PCLO: variants seen among roughly 807,000 people sequenced by gnomAD.
The protein encoded by PCLO is piccolo presynaptic cytomatrix protein, also known as protein piccolo.
Under a neutral mutation model 427.5 loss-of-function variants are expected in PCLO, and 82 were observed. The ratio of observed to expected loss-of-function variants is 0.19; its 90% CI spans 0.16 to 0.23. The LOEUF is 0.23. Ranked by LOEUF, PCLO falls within the 10% of genes least tolerant of loss-of-function variation. The pLI, the probability that PCLO is intolerant of heterozygous loss-of-function variation, is 1.00. For missense variants in PCLO, 6,239 were observed against 6,115.9 expected, an observed-to-expected ratio of 1.02 and a Z score of -0.67; for synonymous variants, 2,357 against 2,155.4, an observed-to-expected ratio of 1.09 and a Z score of -2.59.
intron 3 of PCLO, among the ~76,000 whole-genome samples, chr7:82,996,920 A>G (rs1787631905): frequency 6.6e-6 from 1 of 151,990 alleles, no homozygotes; most frequent in Non-Finnish European, 1.5e-5. Flanking sequence ...TAAAAATTCT[A>G]AAGCCTCTGT....
intron 6 of PCLO, among the ~76,000 whole-genome samples, chr7:82,936,897 A>G (rs78712669): frequency 0.024 from 3,579 of 151,866 alleles, 151 homozygotes; most frequent in African/African-American, 0.083. Flanking sequence ...AGCCCATGAC[A>G]AAAGGCCGAA....
intron 2 of PCLO, among the ~76,000 whole-genome samples, chr7:83,150,390 G>A (rs1225789170): frequency 6.6e-6 from 1 of 152,228 alleles, no homozygotes; most frequent in Non-Finnish European, 1.5e-5. Context: ...CTTGCAGCCA[G>A]TGGATTCTTA....
intron 3 of PCLO, among the ~76,000 whole-genome samples, chr7:83,121,707 A>C (rs2116563906): frequency 6.6e-6 from 1 of 152,300 alleles, no homozygotes; most frequent in South Asian, 2.1e-4. Flanking sequence ...GAAAACAAAA[A>C]AAAGCATGGA....
intron 3 of PCLO, among the ~76,000 whole-genome samples, chr7:82,966,980 G>A (rs1413108447): frequency 6.6e-6 from 1 of 151,886 alleles, no homozygotes; most frequent in South Asian, 2.1e-4. Flanking sequence ...GCCAAATATA[G>A]TTCTACCTTT....
At chr7:83,043,162 A>G (rs1789014006) in intron 3 of PCLO, among the ~76,000 whole-genome samples, 1 of 152,128 alleles carries the variant, frequency 6.6e-6, no homozygotes. Flanking sequence ...GACATTCCCA[A>G]ATATCCTCTA....
At chr7:82,921,814 T>C (rs1794601750) in intron 6 of PCLO, among the ~76,000 whole-genome samples, 2 of 151,532 alleles carry the variant, frequency 1.3e-5, no homozygotes, top group African/African-American at 4.8e-5. Flanking sequence ...TCTATAAAAC[T>C]GGAGAAAATA....
At chr7:82,892,145 C>T (rs895053107) in intron 9 of PCLO, among the ~76,000 whole-genome samples, 1 of 152,148 alleles carries the variant, frequency 6.6e-6, no homozygotes, top group African/African-American at 2.4e-5. Flanking sequence ...AAGAACAAAG[C>T]TGGAGGCATC....
intron 3 of PCLO, among the ~76,000 whole-genome samples, chr7:82,992,290 A>T (rs1193979265): frequency 6.6e-6 from 1 of 151,870 alleles, no homozygotes; most frequent in Non-Finnish European, 1.5e-5. Flanking sequence ...GATCATAAAG[A>T]CTCATCTCTG....
chr7:82,889,659 C>T (rs1181316523), intron 9 of PCLO, among the ~76,000 whole-genome samples: 2 of 151,936 alleles, frequency 1.3e-5, no homozygotes, highest in African/African-American at 4.8e-5. Context: ...AACATTAAGG[C>T]AGCATTTTTT....
At chr7:83,157,100 G>A (rs1199273205) in intron 1 of PCLO, among the ~76,000 whole-genome samples, 1 of 152,092 alleles carries the variant, frequency 6.6e-6, no homozygotes, top group Admixed American at 6.5e-5. Flanking sequence ...GGACACAGAC[G>A]TGGGCACCTA....
chr7:82,932,808 C>A (rs922901181), intron 6 of PCLO, among the ~76,000 whole-genome samples: 1 of 152,034 alleles, frequency 6.6e-6, no homozygotes, highest in Non-Finnish European at 1.5e-5. Context: ...AGAGAAAAAA[C>A]AAACATCCTT....
intron 9 of PCLO, among the ~76,000 whole-genome samples, chr7:82,901,393 T>A (rs1234844088): frequency 6.6e-6 from 1 of 151,902 alleles, no homozygotes; most frequent in African/African-American, 2.4e-5. Context: ...TGAAACTGGA[T>A]CCCTTCCTTA....
chr7:83,074,890 C>T (rs754273746), intron 3 of PCLO, among the ~76,000 whole-genome samples: 5 of 152,094 alleles, frequency 3.3e-5, no homozygotes, highest in Non-Finnish European at 5.9e-5. Context: ...GGTTTTATAG[C>T]CTGAACAATA....
chr7:83,051,230 G>C (rs1451700119), intron 3 of PCLO, among the ~76,000 whole-genome samples: 1 of 151,992 alleles, frequency 6.6e-6, no homozygotes, highest in African/African-American at 2.4e-5. Flanking sequence ...TAAAAAAAGA[G>C]AAAAAGATAT....
At chr7:83,141,539 G>A (rs576067365) in intron 2 of PCLO, among the ~76,000 whole-genome samples, 2 of 152,280 alleles carry the variant, frequency 1.3e-5, no homozygotes, top group South Asian at 2.1e-4. Flanking sequence ...ATAAATGGGG[G>A]TAAGAAGATG....
intron 3 of PCLO, among the ~76,000 whole-genome samples, chr7:82,978,856 AAACACACAC>A (rs1796083898): frequency 2.1e-4 from 20 of 93,552 alleles, no homozygotes; most frequent in African/African-American, 7.2e-4. Context: ...ACACACACAC[AAACACACAC>A]ACACACACAC....
At chr7:83,148,665 ATC>A (rs1792055518) in intron 2 of PCLO, among the ~76,000 whole-genome samples, 1 of 152,104 alleles carries the variant, frequency 6.6e-6, no homozygotes, top group Non-Finnish European at 1.5e-5. Flanking sequence ...CTTCTTACAT[ATC>A]TCTCAGGAAT....
intron 6 of PCLO, among the ~76,000 whole-genome samples, chr7:82,921,572 T>A (rs1016865120): frequency 6.6e-6 from 1 of 152,002 alleles, no homozygotes; most frequent in Non-Finnish European, 1.5e-5. Flanking sequence ...ACCCTTTCCT[T>A]ATACCATATA....
intron 3 of PCLO, among the ~76,000 whole-genome samples, chr7:82,973,602 C>A (rs1270432555): frequency 1.3e-5 from 2 of 151,736 alleles, no homozygotes; most frequent in Non-Finnish European, 2.9e-5. Flanking sequence ...GTCATGCCTA[C>A]CCATCTCTTA....
Sources: allele counts gnomAD v4.1 joint callset (sites outside exome capture counted in the v4.1 genomes callset), GRCh38; gene constraint gnomAD v4.1.1; transcripts MANE v1.5; gene names NCBI Gene and HGNC (gene_info 2026-07-23, HGNC 2026-07-21).